TRIM67: variants seen among roughly 807,000 people sequenced by gnomAD.
The protein encoded by TRIM67 is tripartite motif-containing protein 67.
TRIM67 carries 39 observed loss-of-function variants against 71.0 expected under a neutral mutation model. The observed-to-expected ratio is 0.55, with a 90% confidence interval of 0.43 to 0.72. TRIM67 has a LOEUF of 0.72. Ranked by LOEUF, TRIM67 falls within the 30% of genes least tolerant of loss-of-function variation. TRIM67 has a pLI of 0.00. For missense variants in TRIM67, 973 were observed against 1,079.2 expected, an observed-to-expected ratio of 0.90 and a Z score of 1.38; for synonymous variants, 481 against 473.9, an observed-to-expected ratio of 1.01 and a Z score of -0.19.
chr1:231,186,527 C>G (rs1387345543), intron 1 of TRIM67, among the ~76,000 whole-genome samples: 1 of 152,146 alleles, frequency 6.6e-6, no homozygotes, highest in Non-Finnish European at 1.5e-5. Flanking sequence ...GGCCTCTCTC[C>G]CAGCTCCTTG....
chr1:231,215,108 A>T (rs996691206), intron 9 of TRIM67, among the ~76,000 whole-genome samples: 1 of 152,242 alleles, frequency 6.6e-6, no homozygotes. Flanking sequence ...GATGGCGTCT[A>T]CTTTGCCCAG....
chr1:231,172,301 C>G (rs939876059), intron 1 of TRIM67, among the ~76,000 whole-genome samples: 1 of 152,112 alleles, frequency 6.6e-6, no homozygotes, highest in African/African-American at 2.4e-5. Context: ...AGATGGAGCA[C>G]AACCTCTCAT....
chr1:231,188,563 A>C (rs1271724485), intron 1 of TRIM67, among the ~76,000 whole-genome samples: 1 of 152,224 alleles, frequency 6.6e-6, no homozygotes, highest in Non-Finnish European at 1.5e-5. Flanking sequence ...TTGGTTGAAC[A>C]TCCAAAGTGC....
chr1:231,217,230 G>A lies in TRIM67; in HGVS notation c.*1790G>A. ...GCAAGGCCAGCTGCCCCGTCTCCAG[G>A]AGCTGCTCGGTGCTGTGTTGCAGTC... On this transcript the variant is annotated 3_prime_UTR_variant, in exon 10 of 10. Coordinates refer to ENST00000366653, the MANE Select transcript of TRIM67 (RefSeq NM_001004342.5). 1.0e-6 allele frequency: 1 copy of A among 986,106 alleles called. No homozygotes were observed. The highest frequency in any genetic ancestry group is 1.2e-6 in the Non-Finnish European group (1 of 830,120). 61.1% of individuals were successfully genotyped at this position (986,106 alleles called of 1,614,324 possible).
At chr1:231,199,230 G>C in intron 3 of TRIM67, 61 bp downstream of exon 3, 1 of 1,539,666 alleles carries the variant, frequency 6.5e-7, no homozygotes, top group Non-Finnish European at 9.0e-7. Flanking sequence ...CCAGCGTGGG[G>C]TGGAGCACAG....
chr1:231,163,459 C>G lies in TRIM67; in HGVS notation c.490C>G (p.Arg164Gly). ...CTCCATCACGTGCCCGCAGTGCCAC[C>G]GCAGCGCATCCCTGGACCACCGCGG... ...SSSITCPQCH[R>G]SASLDHRGLR... Residue 164 changes from arginine (R) to glycine (G), a missense_variant, in exon 1 of 10, where the codon CGC becomes GGC. Transcript: ENST00000366653. 5.8e-6 allele frequency: 9 copies of G among 1,538,782 alleles called. No homozygotes were observed. In the East Asian group the frequency reaches 1.7e-4, roughly 30 times the overall value.
chr1:231,172,280 G>T (rs1475402474), intron 1 of TRIM67, among the ~76,000 whole-genome samples: 1 of 152,182 alleles, frequency 6.6e-6, no homozygotes, highest in Non-Finnish European at 1.5e-5. Context: ...TTTTAAAAGT[G>T]GGGGGAACAG....
chr1:231,164,061 A>T, intron 1 of TRIM67, 48 bp downstream of exon 1: 1 of 1,431,152 alleles, frequency 7.0e-7, no homozygotes, highest in Non-Finnish European at 9.2e-7. Context: ...AGAGGGTACG[A>T]GGAGAAAGGC....
intron 6 of TRIM67, among the ~76,000 whole-genome samples, chr1:231,205,153 G>T (rs1229228968): frequency 6.6e-6 from 1 of 152,204 alleles, no homozygotes; most frequent in African/African-American, 2.4e-5. Flanking sequence ...GCTTAAAAAT[G>T]GTCCCTCCTC....
chr1:231,201,487 C>T lies in TRIM67; in HGVS notation c.1504C>T (p.Gln502Ter), dbSNP rs762741065. The T allele has an allele frequency of 6.2e-7, 1 of 1,613,930 alleles. No individual in the cohort carries two copies. The highest frequency in any genetic ancestry group is 1.1e-5 in the South Asian group (1 of 91,036). ...CGAGCCGCTGCTGCAGGCCATCCACCAGCTGGACTTCATTCAGATGAAATG... is the reference window on the plus strand; with the variant it reads ...CGAGCCGCTGCTGCAGGCCATCCACTAGCTGGACTTCATTCAGATGAAATG... ...DSEPLLQAIH[Q>*]LDFIQMKCRV... The change falls in exon 5 of 10, where the codon CAG becomes TAG. Residue 502 changes from glutamine (Q) to a stop codon, truncating the protein, a stop_gained. Transcript: ENST00000366653. LOFTEE classifies it high-confidence loss of function.
At chr1:231,203,769 C>T in intron 5 of TRIM67, 98 bp from the exon 6 acceptor site, 1 of 1,461,182 alleles carries the variant, frequency 6.8e-7, no homozygotes, top group Non-Finnish European at 9.2e-7. Flanking sequence ...CCTGGCTGTC[C>T]TCTGGAGGCC....
chr1:231,180,780 G>A (rs1682879716), intron 1 of TRIM67, among the ~76,000 whole-genome samples: 1 of 152,154 alleles, frequency 6.6e-6, no homozygotes, highest in Admixed American at 6.5e-5. Context: ...TAAAGCCAAG[G>A]TCTGTCTGAA....
chr1:231,194,759 T>C (rs1683320637), intron 1 of TRIM67, among the ~76,000 whole-genome samples: 1 of 152,182 alleles, frequency 6.6e-6, no homozygotes, highest in South Asian at 2.1e-4. Context: ...CATAACTCAC[T>C]GTAACCTCAA....
intron 1 of TRIM67, among the ~76,000 whole-genome samples, chr1:231,167,748 C>G (rs775176027): frequency 3.3e-5 from 5 of 152,086 alleles, no homozygotes; most frequent in Admixed American, 2.0e-4. Context: ...GGCCACTGCA[C>G]CCAGCCAACT....
At chr1:231,181,861 G>A (rs1184614052) in intron 1 of TRIM67, among the ~76,000 whole-genome samples, 1 of 152,012 alleles carries the variant, frequency 6.6e-6, no homozygotes, top group Non-Finnish European at 1.5e-5. Flanking sequence ...CCTTTTTTCT[G>A]GATAGTTTGA....
In TRIM67 at chr1:231,183,468, T is replaced by C. The variant is rs1347923839; in HGVS notation, c.1045-13903T>C. 2.6e-5 allele frequency among the ~76,000 whole-genome samples: 4 copies of C among 152,014 alleles called. 1 individual carries two copies. Among genetic ancestry groups the C allele is most frequent in the South Asian group, 4.2e-4 (2 of 4,816 alleles). ...AAAAATAACAAAATATAAAAATTAC[T>C]TGGGCATGGTGGCACGTGCCCAACA... On this transcript the variant is annotated intron_variant, in intron 1 of 9. Transcript: ENST00000366653.
At position 231,163,499 on chromosome 1, in the gene TRIM67, A is replaced by T. The variant is rs770327065; in HGVS notation, c.530A>T (p.Gln177Leu). 6.6e-7 allele frequency: 1 copy of T among 1,520,268 alleles called. No individual in the cohort carries two copies. The highest frequency in any genetic ancestry group is 2.6e-5 in the East Asian group (1 of 38,618). The allele number at this position is 1,520,268 out of a possible 1,614,324, so 94.2% of individuals were successfully genotyped here. Residue 177 changes from glutamine (Q) to leucine (L), a missense_variant, in exon 1 of 10, where the codon CAG becomes CTG. Around this residue, in one of 2 missense-constraint regions of TRIM67, gnomAD observed 795 missense variants for 831.3 expected, o/e 0.96. Transcript: ENST00000366653. Reference protein sequence around the residue: ...SLDHRGLRGFQRNRLLEAIVQ... With the variant: ...SLDHRGLRGFLRNRLLEAIVQ... ...GACCACCGCGGCCTGCGCGGCTTCC[A>T]GCGCAACCGGCTGCTCGAGGCCATC...
At chr1:231,211,020 CAAAAAA>C (rs113952856) in intron 8 of TRIM67, among the ~76,000 whole-genome samples, 1 of 133,872 alleles carries the variant, frequency 7.5e-6, no homozygotes, top group Non-Finnish European at 1.6e-5. Context: ...TCCTCTCTAC[CAAAAAA>C]AAAAAATATA....
chr1:231,216,243 C>T lies in TRIM67; in HGVS notation c.*803C>T. 1.0e-6 allele frequency: 1 copy of T among 969,276 alleles called. No individual in the cohort carries two copies. The highest frequency in any genetic ancestry group is 1.2e-6 in the Non-Finnish European group (1 of 815,498). 60.0% of individuals were successfully genotyped at this position (969,276 alleles called of 1,614,324 possible). A position where few individuals can be genotyped will look rare whatever the true frequency, so the allele number is the denominator to read the frequency against. On this transcript the variant is annotated 3_prime_UTR_variant, in exon 10 of 10. Coordinates refer to ENST00000366653, the MANE Select transcript of TRIM67 (RefSeq NM_001004342.5). ...TCTCTCTTACTTTCCTCCATCCCTGCCTCTTTCTTCCCTCTTTCGCTCTCT... is the reference window on the plus strand; with the variant it reads ...TCTCTCTTACTTTCCTCCATCCCTGTCTCTTTCTTCCCTCTTTCGCTCTCT...
Sources: gnomAD v4.1 joint callset for allele counts (sites outside exome capture counted in the v4.1 genomes callset) on GRCh38, gnomAD v4.1.1 for gene constraint, gnomAD v4.1.1 regional missense constraint, MANE v1.5 for transcripts, NCBI Gene and HGNC (gene_info 2026-07-23, HGNC 2026-07-21) for gene names.